The following RYR2 variants were observed in gnomAD, a reference collection of about 807,000 sequenced individuals.
The protein encoded by RYR2 is cardiac muscle ryanodine receptor-calcium release channel.
RYR2 carries 227 observed loss-of-function variants against 601.1 expected under a neutral mutation model. The ratio of observed to expected loss-of-function variants is 0.38; its 90% CI spans 0.34 to 0.42. The LOEUF (loss-of-function observed/expected upper bound fraction) is 0.42. RYR2 is among the 10% of genes least tolerant of loss of function. The pLI is 1.00. For missense variants in RYR2, 4,646 were observed against 6,156.5 expected, an observed-to-expected ratio of 0.75 and a Z score of 8.21; for synonymous variants, 2,223 against 2,175.1, an observed-to-expected ratio of 1.02 and a Z score of -0.61.
At chr1:237,057,554 C>T (rs957545416) in intron 1 of RYR2, among the ~76,000 whole-genome samples, 1 of 152,126 alleles carries the variant, frequency 6.6e-6, no homozygotes, top group Admixed American at 6.5e-5. Context: ...TCCCGATTGC[C>T]AGAGACCCAG....
intron 35 of RYR2, among the ~76,000 whole-genome samples, chr1:237,606,261 C>A (rs1011814570): frequency 6.6e-6 from 1 of 152,142 alleles, no homozygotes; most frequent in Non-Finnish European, 1.5e-5. Context: ...AGAAACAACA[C>A]CACACATCTA....
chr1:237,336,892 A>G (rs1223472403), intron 3 of RYR2, among the ~76,000 whole-genome samples: 3 of 151,496 alleles, frequency 2.0e-5, no homozygotes, highest in East Asian at 3.9e-4. Context: ...TAATTAAATA[A>G]AACACTTGTG....
chr1:237,482,808 A>C (rs574548913), intron 17 of RYR2, among the ~76,000 whole-genome samples: 1 of 152,180 alleles, frequency 6.6e-6, no homozygotes, highest in South Asian at 2.1e-4. Context: ...ACTAATTTAC[A>C]TTCCTACCAA....
At chr1:237,678,310 C>T (rs934561679) in intron 61 of RYR2, among the ~76,000 whole-genome samples, 198 bp downstream of exon 61, 2 of 152,178 alleles carry the variant, frequency 1.3e-5, no homozygotes, top group Non-Finnish European at 2.9e-5. Context: ...CATTCCCTAC[C>T]GCATTCCTTC....
At chr1:237,415,881 G>A (rs530473230) in intron 10 of RYR2, among the ~76,000 whole-genome samples, 49 of 152,304 alleles carry the variant, frequency 3.2e-4, no homozygotes, top group African/African-American at 1.2e-3. Context: ...ATGTGGAGGG[G>A]TAAGTAGAGG....
At position 237,718,445 on chromosome 1, in the gene RYR2, C is replaced by T. The variant is rs1243542605; in HGVS notation, c.10495-17C>T. 1 of 1,374,612 alleles carries T rather than the reference C, an allele frequency of 7.3e-7. No homozygotes were observed. Among genetic ancestry groups the T allele is most frequent in the East Asian group, 2.3e-5 (1 of 43,444 alleles). The allele number at this position is 1,374,612 out of a possible 1,614,324, so 85.2% of individuals were successfully genotyped here. A position where few individuals can be genotyped will look rare whatever the true frequency, so the allele number is the denominator to read the frequency against. ...GCAATAGAAGACTCCTTTTAGGTAACATATATTTCTTGACAGAAAGATACC... is the reference window on the plus strand; with the variant it reads ...GCAATAGAAGACTCCTTTTAGGTAATATATATTTCTTGACAGAAAGATACC... On this transcript the variant is annotated splice_polypyrimidine_tract_variant and intron_variant, in intron 72 of 104. Coordinates refer to ENST00000366574, the MANE Select transcript of RYR2 (RefSeq NM_001035.3).
intron 1 of RYR2, among the ~76,000 whole-genome samples, chr1:237,250,691 T>C (rs73123346): frequency 0.019 from 2,964 of 152,220 alleles, 94 homozygotes; most frequent in African/African-American, 0.066. Context: ...CACTTTACCT[T>C]TGCTCCTATC....
At chr1:237,484,774 G>C (rs1238069750) in intron 17 of RYR2, among the ~76,000 whole-genome samples, 1 of 152,158 alleles carries the variant, frequency 6.6e-6, no homozygotes, top group Non-Finnish European at 1.5e-5. Flanking sequence ...AAGTCTATCA[G>C]TAAAAAGCAA....
At chr1:237,472,998 CT>C (rs1354979580) in intron 17 of RYR2, among the ~76,000 whole-genome samples, 5 of 150,704 alleles carry the variant, frequency 3.3e-5, no homozygotes, top group African/African-American at 7.3e-5. Context: ...CTTGCTTTTA[CT>C]TTTTTTTTTA....
intron 14 of RYR2, among the ~76,000 whole-genome samples, chr1:237,446,933 T>A (rs1202236414): frequency 6.6e-6 from 1 of 152,214 alleles, no homozygotes; most frequent in Non-Finnish European, 1.5e-5. Context: ...GAAGTTCTAC[T>A]TGGAAATTAT....
intron 1 of RYR2, among the ~76,000 whole-genome samples, chr1:237,200,343 C>T (rs1042880069): frequency 5.9e-5 from 9 of 152,060 alleles, no homozygotes; most frequent in Admixed American, 2.0e-4. Flanking sequence ...TCATTCACTG[C>T]AGCCTCCGCC....
At chr1:237,330,684 G>A (rs945291218) in intron 2 of RYR2, among the ~76,000 whole-genome samples, 194 bp from the exon 3 acceptor site, 2 of 152,140 alleles carry the variant, frequency 1.3e-5, no homozygotes, top group African/African-American at 4.8e-5. Context: ...CACCGCACCC[G>A]GCCACTATCT....
chr1:237,699,555 T>G (rs1213657860), intron 64 of RYR2, among the ~76,000 whole-genome samples: 1 of 152,228 alleles, frequency 6.6e-6, no homozygotes, highest in Non-Finnish European at 1.5e-5. Flanking sequence ...CATGATTGAT[T>G]CAGCCATACA....
chr1:237,709,405 G>A (rs1009793632), intron 69 of RYR2, 75 bp from the exon 70 acceptor site: 1 of 898,168 alleles, frequency 1.1e-6, no homozygotes, highest in Non-Finnish European at 1.7e-6. Flanking sequence ...ATTTAACTTT[G>A]GGGGGATGGT....
chr1:237,547,771 C>A (rs1303138473), intron 25 of RYR2, among the ~76,000 whole-genome samples: 1 of 152,194 alleles, frequency 6.6e-6, no homozygotes, highest in East Asian at 1.9e-4. Flanking sequence ...ATAATACCTT[C>A]TCTCTCCAGC....
intron 100 of RYR2, among the ~76,000 whole-genome samples, chr1:237,816,493 A>C (rs920863934): frequency 6.6e-6 from 1 of 152,126 alleles, no homozygotes; most frequent in African/African-American, 2.4e-5. Flanking sequence ...GTTCGAGACC[A>C]GCCTGGCCAA....
intron 38 of RYR2, among the ~76,000 whole-genome samples, chr1:237,623,503 A>C (rs1450173639): frequency 6.9e-6 from 1 of 144,542 alleles, no homozygotes; most frequent in African/African-American, 2.6e-5. Context: ...AAACAATTCT[A>C]CTGCCTCAGC....
chr1:237,351,854 C>CAAAAAAAAAAAAAAAAA (rs33955032), intron 3 of RYR2, among the ~76,000 whole-genome samples: 16 of 40,914 alleles, frequency 3.9e-4, no homozygotes, highest in Non-Finnish European at 6.1e-4. Flanking sequence ...AAAGACCATG[C>CAAAAAAAAAAAAAAAAA]AAAAAAAAAA....
At chr1:237,673,911 T>C (rs534798288) in intron 58 of RYR2, among the ~76,000 whole-genome samples, 185 bp from the exon 59 acceptor site, 1 of 152,344 alleles carries the variant, frequency 6.6e-6, no homozygotes, top group East Asian at 1.9e-4. Flanking sequence ...GCACAGTCTT[T>C]CTGTGAGTAG....
Sources: allele counts gnomAD v4.1 joint callset (sites outside exome capture counted in the v4.1 genomes callset), GRCh38; gene constraint gnomAD v4.1.1; transcripts MANE v1.5; gene names NCBI Gene and HGNC (gene_info 2026-07-23, HGNC 2026-07-21).